The following CRPPA variants were observed in gnomAD, a reference collection of about 807,000 sequenced individuals.
CRPPA encodes D-ribitol-5-phosphate cytidylyltransferase.
A neutral mutation model predicts 52.0 loss-of-function variants in CRPPA; 43 were observed. The observed-to-expected ratio is 0.83, with a 90% CI of 0.65 to 1.07. CRPPA has a LOEUF of 1.07. Ranked by LOEUF, CRPPA falls within the 50% of genes least tolerant of loss-of-function variation. The probability of loss-of-function intolerance (pLI) is 0.00; values close to 1 mark genes in which losing one functional copy is unlikely to be tolerated. For synonymous variants in CRPPA, 250 were observed against 203.5 expected (o/e 1.23, Z -1.94); for missense variants, 629 against 551.7 (o/e 1.14, Z -1.40).
intron 5 of CRPPA, among the ~76,000 whole-genome samples, chr7:16,282,413 T>C (rs1156876749): frequency 6.6e-6 from 1 of 152,080 alleles, no homozygotes; most frequent in Non-Finnish European, 1.5e-5. Flanking sequence ...ATTTGGTGGT[T>C]TAAACACCAC....
intron 5 of CRPPA, among the ~76,000 whole-genome samples, chr7:16,298,959 C>CT (rs1784730456): frequency 6.6e-6 from 1 of 152,212 alleles, no homozygotes; most frequent in Non-Finnish European, 1.5e-5. Context: ...TACTGGAACT[C>CT]TACCACTGGC....
intron 2 of CRPPA, among the ~76,000 whole-genome samples, chr7:16,390,321 A>G (rs1327582454): frequency 1.3e-5 from 2 of 152,114 alleles, no homozygotes; most frequent in Non-Finnish European, 2.9e-5. Flanking sequence ...TTCTTCACAC[A>G]AGTATAAAGC....
At chr7:16,280,641 A>G (rs1207140824) in intron 5 of CRPPA, among the ~76,000 whole-genome samples, 1 of 152,220 alleles carries the variant, frequency 6.6e-6, no homozygotes, top group Non-Finnish European at 1.5e-5. Context: ...TAAAATTCTA[A>G]GCGCTACCCA....
In CRPPA at chr7:16,376,181, A is replaced by C; in HGVS notation, c.595T>G (p.Leu199Val). ...CTGGCACGTTCTAGCGAGTAGTCTA[A>C]GCAACCATCAGCAGATGGACTGACG... ...TVVSPSADGC[L>V]DYSLERARHR... The change falls in exon 3 of 10, where the codon TTA becomes GTA. Residue 199 changes from leucine (L) to valine (V), a missense_variant. Physicochemically the swap from Leu to Val is conservative, Grantham distance 32. Coordinates refer to ENST00000407010, the MANE Select transcript of CRPPA (RefSeq NM_001101426.4). 1 of 1,613,372 alleles carries C rather than the reference A, an allele frequency of 6.2e-7. No individual in the cohort carries two copies. The highest frequency in any genetic ancestry group is 8.5e-7 in the Non-Finnish European group (1 of 1,179,604).
chr7:16,250,201 C>T (rs978769783), intron 8 of CRPPA, among the ~76,000 whole-genome samples: 7 of 152,082 alleles, frequency 4.6e-5, no homozygotes, highest in East Asian at 1.9e-4. Flanking sequence ...ATGAACAAAG[C>T]CTCCAAGAAA....
chr7:16,397,356 G>A (rs1050382716), intron 2 of CRPPA, among the ~76,000 whole-genome samples: 1 of 152,156 alleles, frequency 6.6e-6, no homozygotes, highest in East Asian at 1.9e-4. Flanking sequence ...TGTTACAGGT[G>A]ACTGACGTGT....
In CRPPA at chr7:16,216,128, A is replaced by C; in HGVS notation, c.1189T>G (p.Phe397Val). The C allele has an allele frequency of 6.3e-7, 1 of 1,599,342 alleles. No individual in the cohort carries two copies. The highest frequency in any genetic ancestry group is 8.6e-7 in the Non-Finnish European group (1 of 1,169,036). The change falls in exon 9 of 10, where the codon TTT (phenylalanine) becomes GTT (valine). Residue 397 changes from phenylalanine (F) to valine (V), a missense_variant. Physicochemically the swap from Phe to Val is conservative, Grantham distance 50. Transcript: ENST00000407010. ...KMENLMQIRE[F>V]AKEVKERNIL... ...TTTCTTTCTTTTACTTCCTTTGCAA[A>C]TTCTCTAATCTGCATTAGGTTTTCC...
At chr7:16,247,824 A>G (rs1421771568) in intron 8 of CRPPA, 2 of 152,226 alleles carry the variant, frequency 1.3e-5, no homozygotes, top group African/African-American at 4.8e-5. Flanking sequence ...TTTTAATTCT[A>G]TTTTAAAACT....
chr7:16,177,717 T>C (rs541112874), intron 9 of CRPPA, among the ~76,000 whole-genome samples: 1 of 152,200 alleles, frequency 6.6e-6, no homozygotes, highest in South Asian at 2.1e-4. Context: ...AGAAACAAAA[T>C]ATTCTAATTA....
At chr7:16,395,351 AT>A (rs1459845973) in intron 2 of CRPPA, among the ~76,000 whole-genome samples, 2 of 152,186 alleles carry the variant, frequency 1.3e-5, no homozygotes, top group African/African-American at 4.8e-5. Context: ...ACTAACATGC[AT>A]TTCTCCTCAG....
intron 3 of CRPPA, among the ~76,000 whole-genome samples, chr7:16,331,010 G>T (rs974549545): frequency 3.3e-5 from 5 of 151,962 alleles, no homozygotes; most frequent in African/African-American, 7.3e-5. Context: ...GTTTTGTTTT[G>T]TTTTTTTGAG....
intron 3 of CRPPA, among the ~76,000 whole-genome samples, chr7:16,315,251 C>T (rs1433255431): frequency 6.6e-6 from 1 of 152,104 alleles, no homozygotes; most frequent in Non-Finnish European, 1.5e-5. Flanking sequence ...GCTTACACTG[C>T]CTACATCTGT....
intron 6 of CRPPA, chr7:16,269,954 A>C (rs774490647): frequency 2.6e-5 from 4 of 152,248 alleles, no homozygotes; most frequent in Non-Finnish European, 5.9e-5. Context: ...GCTACATCTC[A>C]ATTTAAATAG....
At chr7:16,166,300 G>A (rs1213025820) in intron 9 of CRPPA, among the ~76,000 whole-genome samples, 6 of 150,280 alleles carry the variant, frequency 4.0e-5, no homozygotes, top group Admixed American at 4.0e-4. Flanking sequence ...TTTTTTTTGA[G>A]ATAGAGTCTT....
intron 2 of CRPPA, among the ~76,000 whole-genome samples, chr7:16,387,412 A>C (rs1371062834): frequency 6.6e-6 from 1 of 152,110 alleles, no homozygotes; most frequent in Non-Finnish European, 1.5e-5. Context: ...AACTCAAAAA[A>C]TTAGAAAATA....
chr7:16,144,486 G>T (rs945726887), intron 9 of CRPPA, among the ~76,000 whole-genome samples: 1 of 152,220 alleles, frequency 6.6e-6, no homozygotes, highest in Non-Finnish European at 1.5e-5. Flanking sequence ...TGGAAGGCCA[G>T]AAGGTTTTGC....
intron 8 of CRPPA, among the ~76,000 whole-genome samples, chr7:16,253,427 C>A (rs1562587430): frequency 6.6e-6 from 1 of 152,180 alleles, no homozygotes; most frequent in African/African-American, 2.4e-5. Flanking sequence ...GAATGGGTTT[C>A]TTAATCCTGA....
At chr7:16,387,088 C>T (rs10267844) in intron 2 of CRPPA, among the ~76,000 whole-genome samples, 1,425 of 34,532 alleles carry the variant, frequency 0.041, 67 homozygotes, top group African/African-American at 0.15. Flanking sequence ...TATATATATA[C>T]ACACATATAT....
At chr7:16,227,805 A>G (rs1400759253) in intron 8 of CRPPA, among the ~76,000 whole-genome samples, 2 of 151,898 alleles carry the variant, frequency 1.3e-5, no homozygotes, top group Non-Finnish European at 2.9e-5. Flanking sequence ...AGTCATACTA[A>G]TAAGTCATTG....
Sources: gnomAD v4.1 joint callset for allele counts (sites outside exome capture counted in the v4.1 genomes callset) on GRCh38, gnomAD v4.1.1 for gene constraint, MANE v1.5 for transcripts, NCBI Gene and HGNC (gene_info 2026-07-23, HGNC 2026-07-21) for gene names.